The following ZBTB25 variants were observed in gnomAD, a reference collection of about 807,000 sequenced individuals.
ZBTB25 encodes zinc finger and BTB domain-containing protein 25.
A neutral mutation model predicts 34.2 loss-of-function variants in ZBTB25; 20 were observed. That is an observed-to-expected ratio of 0.58 (90% CI 0.41 to 0.85). ZBTB25 has a LOEUF of 0.85. ZBTB25 is among the 40% of genes least tolerant of loss of function. The probability of loss-of-function intolerance (pLI) is 0.00; values close to 1 mark genes in which losing one functional copy is unlikely to be tolerated. For missense variants in ZBTB25, 437 were observed against 521.8 expected (o/e 0.84, Z 1.58); for synonymous variants, 175 against 186.4 (o/e 0.94, Z 0.50).
At chr14:64,453,884 C>A (rs1265968062) in intron 2 of ZBTB25, 1 of 1,428,216 alleles carries the variant, frequency 7.0e-7, no homozygotes. Context: ...TTAGTTTGTC[C>A]TTTCAACTCT....
chr14:64,503,663 AG>A lies in ZBTB25; in HGVS notation c.-11del. Reference sequence around the variant, plus strand: ...AGGGGCAGGACCGCGTCGCTTACCCAGATGCCGCCGCGGCGGCAGGCCGACT... The same window carrying A: ...AGGGGCAGGACCGCGTCGCTTACCCAATGCCGCCGCGGCGGCAGGCCGACT... On this transcript the variant is annotated 5_prime_UTR_variant, in exon 1 of 3. Coordinates refer to ENST00000608382, the MANE Select transcript of ZBTB25 (RefSeq NM_006977.5). The A allele has an allele frequency of 1.0e-6, 1 of 956,260 alleles. No homozygotes were observed. The highest frequency in any genetic ancestry group is 1.2e-6 in the Non-Finnish European group (1 of 803,564). The allele number at this position is 956,260 out of a possible 1,614,324, so 59.2% of individuals were successfully genotyped here. A position where few individuals can be genotyped will look rare whatever the true frequency, so the allele number is the denominator to read the frequency against.
In ZBTB25 at chr14:64,487,736, G is replaced by C. The variant is rs777734970; in HGVS notation, c.495C>G (p.His165Gln). ...TAGCAAGAGACAACTGCAACTGGGG[G>C]TGGTCACCCTGGACAGCAGCTCTGT... The part of the protein sequence containing the change: ...SGNRAAVQGD[H>Q]PQLQLSLAIG... Residue 165 changes from histidine to glutamine, a missense_variant, in exon 3 of 3, where the codon CAC (histidine) becomes CAG (glutamine). Transcript: ENST00000608382. The C allele has an allele frequency of 6.2e-7, 1 of 1,614,102 alleles. No individual in the cohort carries two copies. The highest frequency in any genetic ancestry group is 1.3e-5 in the African/African-American group (1 of 75,024).
intron 2 of ZBTB25, among the ~76,000 whole-genome samples, chr14:64,489,291 T>TA (rs199591086): frequency 1.4e-5 from 2 of 138,270 alleles, no homozygotes; most frequent in African/African-American, 2.5e-5. Flanking sequence ...AAATAAAAAA[T>TA]AAAAAAAACA....
In ZBTB25 at chr14:64,480,138, A is replaced by G. The variant is rs2078764664; in HGVS notation, c.*6785T>C. 5.4e-6 allele frequency: 1 copy of G among 186,054 alleles called. No homozygotes were observed. The highest frequency in any genetic ancestry group is 1.1e-5 in the Non-Finnish European group (1 of 87,114). The allele number at this position is 186,054 out of a possible 1,614,324, so 11.5% of individuals were successfully genotyped here. On this transcript the variant is annotated 3_prime_UTR_variant, in exon 3 of 3. Coordinates refer to ENST00000608382, the MANE Select transcript of ZBTB25 (RefSeq NM_006977.5). The stretch of plus-strand genomic sequence containing the variant: ...GGAGTTCGAGACCAGCCTGGCCAAC[A>G]TGGTGAAACTCCGTCTCTACTAGAA...
intron 1 of ZBTB25, chr14:64,503,256 G>A (rs1167768447): frequency 1.0e-6 from 1 of 985,356 alleles, no homozygotes; most frequent in Non-Finnish European, 1.2e-6. Context: ...TAGCCGCAGC[G>A]TCCTCCCAGC....
intron 1 of ZBTB25, among the ~76,000 whole-genome samples, chr14:64,500,049 C>T (rs957403143): frequency 6.6e-6 from 1 of 151,942 alleles, no homozygotes; most frequent in African/African-American, 2.4e-5. Flanking sequence ...ACAGTAAGCA[C>T]AAATTGTTAA....
In ZBTB25 at chr14:64,503,246, T is replaced by C; in HGVS notation, c.-8+415A>G. 4 of 985,458 alleles carry C rather than the reference T, an allele frequency of 4.1e-6. No homozygotes were observed. In the South Asian group the frequency reaches 1.4e-4, roughly 35 times the overall value. The allele number at this position is 985,458 out of a possible 1,614,324, so 61.0% of individuals were successfully genotyped here. ...AATCACAAGCTGGGAGTGGAAACAG[T>C]AGCCGCAGCGTCCTCCCAGCATCTG... On this transcript the variant is annotated intron_variant, in intron 1 of 2. Transcript: ENST00000608382.
In ZBTB25 at chr14:64,503,750, G is replaced by C; in HGVS notation, c.-97C>G. 3.1e-6 allele frequency: 1 copy of C among 319,350 alleles called. No homozygotes were observed. Among genetic ancestry groups the C allele is most frequent in the African/African-American group, 2.2e-5 (1 of 44,676 alleles). 19.8% of individuals were successfully genotyped at this position (319,350 alleles called of 1,614,324 possible). A position where few individuals can be genotyped will look rare whatever the true frequency, so the allele number is the denominator to read the frequency against. On this transcript the variant is annotated 5_prime_UTR_variant, in exon 1 of 3. Coordinates refer to ENST00000608382, the MANE Select transcript of ZBTB25 (RefSeq NM_006977.5). ...ACTGCAAGCAGTGGCGCCGGCTCACGCACCCCTCGGCCGCCTCTCGCGCGG... is the reference window on the plus strand; with the variant it reads ...ACTGCAAGCAGTGGCGCCGGCTCACCCACCCCTCGGCCGCCTCTCGCGCGG...
intron 2 of ZBTB25, chr14:64,469,305 C>G: frequency 6.2e-7 from 1 of 1,613,118 alleles, no homozygotes; most frequent in Non-Finnish European, 8.5e-7. Context: ...GCTGAAGAAA[C>G]TAAGCCAAAA....
In ZBTB25 at chr14:64,495,832, G is replaced by A. The variant is rs199583190; in HGVS notation, c.-7-5292C>T. Among the ~76,000 whole-genome samples, 24 of 152,172 alleles carry A rather than the reference G, an allele frequency of 1.6e-4. No individual in the cohort carries two copies. The East Asian group carries it at 4.1e-3, about 26-fold the overall frequency. ...TTAGCGGGTGTGGTGGCACATGCCT[G>A]TAATCCCAGCTACTCTGGAGGCTGA... On this transcript the variant is annotated intron_variant, in intron 1 of 2. Coordinates refer to ENST00000608382, the MANE Select transcript of ZBTB25 (RefSeq NM_006977.5).
At chr14:64,473,531 A>G (rs1377801722), downstream of ZBTB25, 1 of 167,124 alleles carries the variant, frequency 6.0e-6, no homozygotes, top group African/African-American at 2.4e-5. Context: ...TATGCAATCC[A>G]GCATTAACTT....
upstream of ZBTB25, chr14:64,504,067 G>C (rs2079591485): frequency 6.6e-6 from 1 of 152,334 alleles, no homozygotes; most frequent in Admixed American, 6.5e-5. Flanking sequence ...AAAAGCACAG[G>C]CACCCCCTCA....
In ZBTB25 at chr14:64,482,856, C is replaced by T. The variant is rs1298081833; in HGVS notation, c.*4067G>A. ...TCAATAATACTGAGAGAACTTAACA[C>T]GTTTAATATAAATCCTCACAACACC... On this transcript the variant is annotated 3_prime_UTR_variant, in exon 3 of 3. Coordinates refer to ENST00000608382, the MANE Select transcript of ZBTB25 (RefSeq NM_006977.5). The T allele has an allele frequency of 2.0e-5, 3 of 152,168 alleles. No individual in the cohort carries two copies. Among genetic ancestry groups the T allele is most frequent in the East Asian group, 1.9e-4 (1 of 5,202 alleles). 9.4% of individuals were successfully genotyped at this position (152,168 alleles called of 1,614,324 possible). A position where few individuals can be genotyped will look rare whatever the true frequency, so the allele number is the denominator to read the frequency against.
At chr14:64,449,391 A>G (rs954002554) in exon 3 of ZBTB25, 1 of 1,592,226 alleles carries the variant, frequency 6.3e-7, no homozygotes, top group African/African-American at 1.3e-5. Context: ...AAAGAAGACA[A>G]TTCTGTCTCT....
At chr14:64,456,843 G>A (rs1362258374) in intron 2 of ZBTB25, among the ~76,000 whole-genome samples, 1 of 152,148 alleles carries the variant, frequency 6.6e-6, no homozygotes, top group African/African-American at 2.4e-5. Flanking sequence ...TGTTACAGAA[G>A]ATGACTCTTT....
At chr14:64,468,513 G>T (rs1566586873) in intron 2 of ZBTB25, 4 of 1,614,072 alleles carry the variant, frequency 2.5e-6, no homozygotes, top group Non-Finnish European at 3.4e-6. Flanking sequence ...TTCAAGAGAA[G>T]AAAGAAAGCA....
rs918295252 is a variant in ZBTB25, at chr14:64,481,720, A to G, written c.*5203T>C. On this transcript the variant is annotated 3_prime_UTR_variant, in exon 3 of 3. Coordinates refer to ENST00000608382, the MANE Select transcript of ZBTB25 (RefSeq NM_006977.5). ...AAAATCACAGTTTGTAATTCCTTGT[A>G]TTTAAGACATCCAGGTTTGGGACTG... 4 of 152,208 alleles carry G rather than the reference A, an allele frequency of 2.6e-5. No homozygotes were observed. Among genetic ancestry groups the G allele is most frequent in the African/African-American group, 9.7e-5 (4 of 41,448 alleles). The allele number at this position is 152,208 out of a possible 1,614,324, so 9.4% of individuals were successfully genotyped here.
At chr14:64,491,111 G>A (rs2079060533) in intron 1 of ZBTB25, among the ~76,000 whole-genome samples, 1 of 152,140 alleles carries the variant, frequency 6.6e-6, no homozygotes, top group Non-Finnish European at 1.5e-5. Context: ...CAGTAGCTCA[G>A]GAACTCTTAA....
At chr14:64,497,901 C>T (rs980656938) in intron 1 of ZBTB25, among the ~76,000 whole-genome samples, 3 of 152,242 alleles carry the variant, frequency 2.0e-5, no homozygotes, top group East Asian at 3.9e-4. Context: ...TGTAGGAAAA[C>T]AGTCTTAGGT....
Sources: allele counts gnomAD v4.1 joint callset (sites outside exome capture counted in the v4.1 genomes callset), GRCh38; gene constraint gnomAD v4.1.1; transcripts MANE v1.5; gene names NCBI Gene and HGNC (gene_info 2026-07-23, HGNC 2026-07-21).